The following RBM47 variants were observed in gnomAD, a reference collection of about 807,000 sequenced individuals.
RBM47 encodes the protein RNA-binding protein 47.
RBM47 carries 21 observed loss-of-function variants against 47.1 expected under a neutral mutation model. The ratio of observed to expected loss-of-function variants is 0.45; its 90% CI spans 0.32 to 0.64. The LOEUF (loss-of-function observed/expected upper bound fraction) is 0.64. Ranked by LOEUF, RBM47 falls within the 30% of genes least tolerant of loss-of-function variation. The pLI is 0.05. For missense variants in RBM47, 708 were observed against 870.9 expected (o/e 0.81, Z 2.35); for synonymous variants, 375 against 361.7 (o/e 1.04, Z -0.42).
intron 3 of RBM47, among the ~76,000 whole-genome samples, chr4:40,451,428 C>A (rs1305415242): frequency 1.3e-5 from 2 of 152,136 alleles, no homozygotes; most frequent in Admixed American, 1.3e-4. Context: ...AACATCACTG[C>A]CGAAATCAGT....
intron 3 of RBM47, among the ~76,000 whole-genome samples, chr4:40,460,214 GT>G (rs5857730): frequency 0.36 from 51,597 of 143,066 alleles, 9,944 homozygotes; most frequent in Non-Finnish European, 0.45. Context: ...TTCCATCACT[GT>G]TTTTTTTTTT....
intron 3 of RBM47, among the ~76,000 whole-genome samples, chr4:40,445,001 G>A (rs1005188941): frequency 1.1e-4 from 17 of 151,830 alleles, no homozygotes; most frequent in South Asian, 8.3e-4. Context: ...TTGGCCGGGC[G>A]CGGTGGCTCA....
chr4:40,457,173 A>G (rs1298564299), intron 3 of RBM47, among the ~76,000 whole-genome samples: 1 of 151,430 alleles, frequency 6.6e-6, no homozygotes, highest in African/African-American at 2.4e-5. Flanking sequence ...TAATCCCAGC[A>G]CTTTTGGAGG....
At chr4:40,568,810 G>A (rs940841890) in intron 1 of RBM47, among the ~76,000 whole-genome samples, 7 of 151,896 alleles carry the variant, frequency 4.6e-5, no homozygotes, top group South Asian at 4.1e-4. Context: ...GTGAAACCCC[G>A]TCTCTACTAA....
At chr4:40,622,473 G>C (rs1293490837) in intron 1 of RBM47, among the ~76,000 whole-genome samples, 1 of 152,202 alleles carries the variant, frequency 6.6e-6, no homozygotes, top group Non-Finnish European at 1.5e-5. Context: ...GGTAGCAGGC[G>C]AGGTTAAAGA....
intron 1 of RBM47, among the ~76,000 whole-genome samples, chr4:40,598,357 C>A (rs949610011): frequency 2.0e-5 from 3 of 152,144 alleles, no homozygotes; most frequent in African/African-American, 7.2e-5. Flanking sequence ...AGCCATCCTC[C>A]CACCACAGCC....
At chr4:40,552,391 C>T (rs1186784559) in intron 1 of RBM47, among the ~76,000 whole-genome samples, 1 of 141,434 alleles carries the variant, frequency 7.1e-6, no homozygotes, top group Non-Finnish European at 1.5e-5. Flanking sequence ...GAGTGAGACT[C>T]TGTCTCAAAA....
chr4:40,583,853 G>A (rs1294381692), intron 1 of RBM47, among the ~76,000 whole-genome samples: 6 of 94,480 alleles, frequency 6.4e-5, no homozygotes, highest in African/African-American at 2.2e-4. Flanking sequence ...GCGAGACTCC[G>A]TCTCAAAAAA....
chr4:40,622,287 C>A (rs1737336695), intron 1 of RBM47, among the ~76,000 whole-genome samples: 1 of 152,114 alleles, frequency 6.6e-6, no homozygotes, highest in African/African-American at 2.4e-5. Context: ...CTGTTTTAAC[C>A]TGGAGGAGGC....
At chr4:40,498,056 A>T (rs1404341760) in intron 2 of RBM47, among the ~76,000 whole-genome samples, 1 of 65,748 alleles carries the variant, frequency 1.5e-5, no homozygotes, top group Non-Finnish European at 3.1e-5. Flanking sequence ...TGCTTGTTTT[A>T]TATATATATA....
intron 1 of RBM47, among the ~76,000 whole-genome samples, chr4:40,570,098 C>T (rs769928055): frequency 5.9e-5 from 9 of 151,938 alleles, no homozygotes; most frequent in Admixed American, 1.3e-4. Flanking sequence ...TCTAAAGCAG[C>T]GGTCCCCAAC....
intron 2 of RBM47, among the ~76,000 whole-genome samples, chr4:40,481,534 T>A (rs1353407485): frequency 4.0e-5 from 6 of 148,812 alleles, no homozygotes; most frequent in Admixed American, 6.7e-5. Context: ...GGAAGTGCAG[T>A]CAAAGACCTG....
At chr4:40,559,325 T>C (rs186706081) in intron 1 of RBM47, among the ~76,000 whole-genome samples, 1 of 152,276 alleles carries the variant, frequency 6.6e-6, no homozygotes, top group East Asian at 1.9e-4. Context: ...CAATTACAGG[T>C]GACAAACACA....
chr4:40,530,079 G>A (rs750347035), intron 2 of RBM47, among the ~76,000 whole-genome samples: 1 of 149,558 alleles, frequency 6.7e-6, no homozygotes, highest in South Asian at 2.1e-4. Context: ...GGGATTACAG[G>A]CGTGTGCCAC....
intron 1 of RBM47, among the ~76,000 whole-genome samples, chr4:40,549,194 C>A (rs531544534): frequency 6.6e-6 from 1 of 151,170 alleles, no homozygotes; most frequent in Non-Finnish European, 1.5e-5. Flanking sequence ...TGGGTTCAAG[C>A]GATTCTCCTG....
At chr4:40,600,985 C>CAAAAAAAAAAAAAAAAAAAAAA (rs56054491) in intron 1 of RBM47, among the ~76,000 whole-genome samples, 30 of 50,054 alleles carry the variant, frequency 6.0e-4, no homozygotes, top group Admixed American at 9.1e-4. Flanking sequence ...AACTCCGTCT[C>CAAAAAAAAAAAAAAAAAAAAAA]AAAAAAAAAA....
chr4:40,625,308 T>C (rs941112198), intron 1 of RBM47, among the ~76,000 whole-genome samples: 23 of 152,158 alleles, frequency 1.5e-4, no homozygotes, highest in African/African-American at 5.3e-4. Flanking sequence ...AAAAACCCTG[T>C]CCATTTTGTA....
At chr4:40,499,385 T>C (rs963403514) in intron 2 of RBM47, among the ~76,000 whole-genome samples, 1 of 152,118 alleles carries the variant, frequency 6.6e-6, no homozygotes, top group African/African-American at 2.4e-5. Context: ...TAATTTCAAT[T>C]TGTTATTAGA....
At chr4:40,528,439 T>C (rs929224982) in intron 2 of RBM47, among the ~76,000 whole-genome samples, 1 of 151,352 alleles carries the variant, frequency 6.6e-6, no homozygotes, top group Non-Finnish European at 1.5e-5. Flanking sequence ...TTTTGGTCTC[T>C]CACTGAGAAA....
Sources: allele counts gnomAD v4.1 joint callset (sites outside exome capture counted in the v4.1 genomes callset), GRCh38; gene constraint gnomAD v4.1.1; transcripts MANE v1.5; gene names NCBI Gene and HGNC (gene_info 2026-07-23, HGNC 2026-07-21).